The following POM121C variants were observed in gnomAD, a reference collection of about 807,000 sequenced individuals.
POM121C encodes nuclear envelope pore membrane protein POM 121C.
In POM121C, 20 loss-of-function variants were observed where a neutral mutation model predicts 66.4. The observed-to-expected ratio is 0.30, with a 90% CI of 0.21 to 0.44. The LOEUF (loss-of-function observed/expected upper bound fraction) is 0.44, where lower values mean the gene tolerates loss of function less well. Ranked by LOEUF, POM121C falls within the 20% of genes least tolerant of loss-of-function variation. POM121C has a pLI of 1.00. For synonymous variants in POM121C, 286 were observed against 528.0 expected, an observed-to-expected ratio of 0.54 and a Z score of 6.28; for missense variants, 580 against 1,225.7, an observed-to-expected ratio of 0.47 and a Z score of 7.87.
chr7:75,418,499 G>A lies in POM121C; in HGVS notation c.*297C>T, dbSNP rs1435730655. ...GCGCCTGCCTAAGGGTGCGCTAAGCGGGAGTCAGGGCAGCGGACACTATGT... is the reference window on the plus strand; with the variant it reads ...GCGCCTGCCTAAGGGTGCGCTAAGCAGGAGTCAGGGCAGCGGACACTATGT... On this transcript the variant is annotated 3_prime_UTR_variant, in exon 15 of 15. Transcript: ENST00000615331. 3.7e-5 allele frequency: 42 copies of A among 1,143,690 alleles called. No homozygotes were observed. The East Asian group carries it at 1.3e-3, about 36-fold the overall frequency. The allele number at this position is 1,143,690 out of a possible 1,614,324, so 70.8% of individuals were successfully genotyped here.
At chr7:75,431,790 A>C (rs587623031) in intron 7 of POM121C, among the ~76,000 whole-genome samples, 1 of 151,234 alleles carries the variant, frequency 6.6e-6, no homozygotes, top group African/African-American at 2.4e-5. Flanking sequence ...ATCTCTATTA[A>C]AAGTTTTAAA....
intron 13 of POM121C, 193 bp from the exon 14 acceptor site, chr7:75,419,635 T>C (rs1478451263): frequency 1.1e-5 from 7 of 656,122 alleles, no homozygotes; most frequent in Non-Finnish European, 1.8e-5. Context: ...CTCAGCCTGC[T>C]TCTCCCACCC....
intron 3 of POM121C, among the ~76,000 whole-genome samples, chr7:75,456,621 G>A (rs372857836): frequency 5.9e-5 from 9 of 152,382 alleles, no homozygotes; most frequent in East Asian, 5.8e-4. Flanking sequence ...GGCTGGAAAT[G>A]GGGTTTTACT....
rs1487819392 is a variant in POM121C, at chr7:75,446,739, GT to G, written c.-151-5093del. Among the ~76,000 whole-genome samples the G allele has an allele frequency of 1.8e-4, 27 of 152,108 alleles. 1 individual carries two copies. The highest frequency in any genetic ancestry group is 5.9e-4 in the Admixed American group (9 of 15,268). ...AGGAATAAAAAATTGGCTGGGCGCG[GT>G]GGCTCACGCCTGTAATCCCAGCACT... On this transcript the variant is annotated intron_variant, in intron 3 of 14. Transcript: ENST00000615331.
chr7:75,467,484 A>T (rs1402456370), intron 3 of POM121C, among the ~76,000 whole-genome samples: 1 of 144,378 alleles, frequency 6.9e-6, no homozygotes, highest in Non-Finnish European at 1.5e-5. Flanking sequence ...GTGAGCCGAG[A>T]ATGCGCCACT....
chr7:75,477,568 C>A (rs1792138919), intron 1 of POM121C, among the ~76,000 whole-genome samples: 1 of 151,938 alleles, frequency 6.6e-6, no homozygotes, highest in South Asian at 2.1e-4. Context: ...TAAGCTGACA[C>A]TACAGTTCAT....
intron 7 of POM121C, among the ~76,000 whole-genome samples, chr7:75,433,502 C>A (rs1790271219): frequency 6.6e-6 from 1 of 151,834 alleles, no homozygotes. Flanking sequence ...ACTACAGGTG[C>A]CCGCCACCAC....
At chr7:75,477,494 C>A (rs1679574521) in intron 1 of POM121C, among the ~76,000 whole-genome samples, 1 of 151,896 alleles carries the variant, frequency 6.6e-6, no homozygotes, top group South Asian at 2.1e-4. Flanking sequence ...ACCAGTTTCC[C>A]TAAATTACTT....
chr7:75,474,412 A>T (rs1328992728), intron 3 of POM121C, among the ~76,000 whole-genome samples: 1 of 152,172 alleles, frequency 6.6e-6, no homozygotes, highest in African/African-American at 2.4e-5. Context: ...AAACAAAAAA[A>T]CAAACAGCCC....
At chr7:75,477,110 T>TACACACACACACACACACAC (rs57918412) in intron 1 of POM121C, among the ~76,000 whole-genome samples, 157 of 140,684 alleles carry the variant, frequency 1.1e-3, no homozygotes, top group Middle Eastern at 7.2e-3. Context: ...TTTGCGTGTA[T>TACACACACACACACACACAC]ACACACACAC....
At chr7:75,434,938 G>A (rs1790346800) in intron 7 of POM121C, among the ~76,000 whole-genome samples, 1 of 152,102 alleles carries the variant, frequency 6.6e-6, no homozygotes, top group Admixed American at 6.6e-5. Flanking sequence ...AAATCTGCTG[G>A]TGAGGCCAGG....
chr7:75,477,988 T>C (rs1554479628), intron 1 of POM121C, among the ~76,000 whole-genome samples: 1 of 152,176 alleles, frequency 6.6e-6, no homozygotes, highest in Non-Finnish European at 1.5e-5. Context: ...TTTTTTGAGA[T>C]GAAGTCTCGC....
intron 7 of POM121C, among the ~76,000 whole-genome samples, chr7:75,436,132 A>G (rs1322545008): frequency 1.3e-5 from 2 of 152,220 alleles, no homozygotes; most frequent in African/African-American, 2.4e-5. Context: ...AAAAATATAA[A>G]ATCAAATAGA....
chr7:75,449,841 C>A (rs1790961481), intron 3 of POM121C, among the ~76,000 whole-genome samples: 1 of 151,984 alleles, frequency 6.6e-6, no homozygotes, highest in Non-Finnish European at 1.5e-5. Flanking sequence ...CATGGCCAGG[C>A]CCGTCTCTAC....
chr7:75,448,501 A>AG lies in POM121C; in HGVS notation c.-151-6855dup, dbSNP rs1162722771. 4.2e-4 allele frequency among the ~76,000 whole-genome samples: 13 copies of AG among 30,722 alleles called. 2 individuals are homozygous for AG. Among genetic ancestry groups the AG allele is most frequent in the African/African-American group, 1.3e-3 (11 of 8,224 alleles). The allele number at this position is 30,722 out of a possible 152,430, so 20.2% of individuals were successfully genotyped here. On this transcript the variant is annotated intron_variant, in intron 3 of 14. Transcript: ENST00000615331. ...CAAGCTCCCATCACCCAACAGAAAC[A>AG]GAAAAAAAAAAAAAAAAAGGCCAGG...
At chr7:75,474,994 T>A (rs1290608108) in intron 2 of POM121C, 68 bp downstream of exon 2, 1 of 1,483,988 alleles carries the variant, frequency 6.7e-7, no homozygotes, top group African/African-American at 1.4e-5. Flanking sequence ...GTGTTGCCAC[T>A]TATTTCTTCA....
intron 4 of POM121C, 74 bp from the exon 5 acceptor site, chr7:75,441,189 C>G (rs1351540727): frequency 4.4e-6 from 7 of 1,589,334 alleles, no homozygotes; most frequent in Admixed American, 1.8e-5. Flanking sequence ...AAATCAGAAG[C>G]TAACCAACAG....
At chr7:75,448,019 G>A (rs1305713747) in intron 3 of POM121C, among the ~76,000 whole-genome samples, 2 of 137,730 alleles carry the variant, frequency 1.5e-5, no homozygotes, top group African/African-American at 2.6e-5. Context: ...GCTAGACTCC[G>A]TCTCAAAAAA....
At chr7:75,435,542 C>T (rs1374792140) in intron 7 of POM121C, among the ~76,000 whole-genome samples, 1 of 151,696 alleles carries the variant, frequency 6.6e-6, no homozygotes, top group Non-Finnish European at 1.5e-5. Flanking sequence ...CATAGAAATC[C>T]CTGTAACTTT....
Sources: gnomAD v4.1 joint callset for allele counts (sites outside exome capture counted in the v4.1 genomes callset) on GRCh38, gnomAD v4.1.1 for gene constraint, MANE v1.5 for transcripts, NCBI Gene and HGNC (gene_info 2026-07-23, HGNC 2026-07-21) for gene names.